TDRD9: variants seen among roughly 807,000 people sequenced by gnomAD.
The protein encoded by TDRD9 is tudor domain containing 9.
In TDRD9, 124 loss-of-function variants were observed where a neutral mutation model predicts 172.6. The observed-to-expected ratio is 0.72, with a 90% CI of 0.62 to 0.83. TDRD9 has a LOEUF of 0.83. TDRD9 is among the 40% of genes least tolerant of loss of function. The probability of loss-of-function intolerance (pLI) is 0.00; values close to 1 mark genes in which losing one functional copy is unlikely to be tolerated. For synonymous variants in TDRD9, 619 were observed against 617.1 expected, an observed-to-expected ratio of 1.00 and a Z score of -0.05; for missense variants, 1,479 against 1,714.1, an observed-to-expected ratio of 0.86 and a Z score of 2.42.
intron 33 of TDRD9, 27 bp from the exon 34 acceptor site, chr14:104,042,042 A>T: frequency 7.3e-7 from 1 of 1,368,374 alleles, no homozygotes; most frequent in Non-Finnish European, 1.0e-6. Context: ...GAGCCTTATG[A>T]GTGTTTATGT....
At chr14:103,959,242 C>T (rs2032385868) in intron 2 of TDRD9, among the ~76,000 whole-genome samples, 1 of 151,966 alleles carries the variant, frequency 6.6e-6, no homozygotes. Context: ...AGGGAGGAGG[C>T]CACAGGAGGC....
chr14:103,960,388 G>T lies in TDRD9; in HGVS notation c.323-2691G>T, dbSNP rs539426697. Among the ~76,000 whole-genome samples, 19 of 152,288 alleles carry T rather than the reference G, an allele frequency of 1.2e-4. No homozygotes were observed. In the South Asian group the frequency reaches 3.3e-3, roughly 27 times the overall value. ...GAACTAGCAATTTTTATGGCTTCCA[G>T]TTTTCCCCAGTTCATGTAAAACATT... On this transcript the variant is annotated intron_variant, in intron 2 of 35. Transcript: ENST00000409874.
At chr14:103,933,041 T>G (rs1185684859) in intron 1 of TDRD9, among the ~76,000 whole-genome samples, 1 of 152,174 alleles carries the variant, frequency 6.6e-6, no homozygotes, top group Non-Finnish European at 1.5e-5. Flanking sequence ...ACGATGAAGG[T>G]GTTGCCGGAG....
In TDRD9 at chr14:104,025,633, A is replaced by G; in HGVS notation, c.2788A>G (p.Thr930Ala). 6.2e-7 allele frequency: 1 copy of G among 1,614,064 alleles called. No homozygotes were observed. Among genetic ancestry groups the G allele is most frequent in the Middle Eastern group, 1.6e-4 (1 of 6,062 alleles). ...CAACTCAGAGATTCTGAAAAAGCTT[A>G]CTGCTGAAATCAACCAACTGACGCT... ...ENNSEILKKL[T>A]AEINQLTLVP... Residue 930 changes from threonine (T) to alanine (A), a missense_variant, in exon 26 of 36, where the codon ACT becomes GCT. By Grantham distance (58) the Thr-to-Ala change is moderately conservative (BLOSUM62 0). Transcript: ENST00000409874.
chr14:103,949,536 C>A lies in TDRD9; in HGVS notation c.216-6128C>A, dbSNP rs541313697. Among the ~76,000 whole-genome samples, 13 of 152,288 alleles carry A rather than the reference C, an allele frequency of 8.5e-5. No homozygotes were observed. In the South Asian group the frequency reaches 1.7e-3, roughly 19 times the overall value. ...GATTATAAACAATTTCATGTATGTT[C>A]TTACTGCTTCTGGTTATGCCACCCA... On this transcript the variant is annotated intron_variant, in intron 1 of 35. Coordinates refer to ENST00000409874, the MANE Select transcript of TDRD9 (RefSeq NM_153046.3).
intron 30 of TDRD9, 113 bp downstream of exon 30, chr14:104,032,200 C>G (rs919190144): frequency 1.1e-5 from 7 of 623,496 alleles, no homozygotes; most frequent in South Asian, 1.0e-4. Flanking sequence ...GTTATCTTTT[C>G]TTTTCTTTTC....
chr14:104,048,906 C>T (rs538764285), intron 34 of TDRD9, among the ~76,000 whole-genome samples: 1 of 152,244 alleles, frequency 6.6e-6, no homozygotes, highest in African/African-American at 2.4e-5. Flanking sequence ...GCCTTTATGG[C>T]CCTGGGAGTG....
At chr14:104,009,611 G>T (rs1306581928) in intron 20 of TDRD9, among the ~76,000 whole-genome samples, 4 of 152,020 alleles carry the variant, frequency 2.6e-5, no homozygotes, top group African/African-American at 9.7e-5. Flanking sequence ...AAAATTAATT[G>T]TAGCTTAATA....
At chr14:103,969,262 T>C (rs2032915259) in intron 5 of TDRD9, among the ~76,000 whole-genome samples, 1 of 150,752 alleles carries the variant, frequency 6.6e-6, no homozygotes, top group Admixed American at 6.6e-5. Context: ...TCTGCTGATG[T>C]GTGTATGTTT....
chr14:103,939,928 C>T (rs965108299), intron 1 of TDRD9: 2 of 149,262 alleles, frequency 1.3e-5, no homozygotes, highest in Admixed American at 6.7e-5. Flanking sequence ...AATTTTGATA[C>T]GTATATTTTT....
chr14:104,013,067 C>G (rs2034665308), intron 20 of TDRD9, among the ~76,000 whole-genome samples: 1 of 152,184 alleles, frequency 6.6e-6, no homozygotes, highest in South Asian at 2.1e-4. Context: ...TGTGCTCTCC[C>G]TTGCTTCCCA....
Position 103,938,382 on chromosome 14 carries a change from A to ATGTGTG in TDRD9, c.215+9686_215+9691dup, listed in dbSNP as rs71126086. On this transcript the variant is annotated intron_variant, in intron 1 of 35. Coordinates refer to ENST00000409874, the MANE Select transcript of TDRD9 (RefSeq NM_153046.3). The stretch of plus-strand genomic sequence containing the variant: ...TCCCCTTCCCACCTGTGCCCCATAT[A>ATGTGTG]TGTGTGTGTGTGTGTGTGTGTGTGT... 7.8e-5 allele frequency among the ~76,000 whole-genome samples: 3 copies of ATGTGTG among 38,592 alleles called. 1 individual carries two copies. Among genetic ancestry groups the ATGTGTG allele is most frequent in the African/African-American group, 2.5e-4 (3 of 11,802 alleles). 25.3% of individuals were successfully genotyped at this position (38,592 alleles called of 152,430 possible). A position where few individuals can be genotyped will look rare whatever the true frequency, so the allele number is the denominator to read the frequency against.
At chr14:103,990,775 G>T (rs1235700116) in intron 8 of TDRD9, among the ~76,000 whole-genome samples, 2 of 152,228 alleles carry the variant, frequency 1.3e-5, no homozygotes, top group Non-Finnish European at 2.9e-5. Flanking sequence ...GCAAGTAGAT[G>T]ATTTGAGATT....
In TDRD9 at chr14:104,040,281, C is replaced by T; in HGVS notation, c.3802C>T (p.His1268Tyr). 2 of 1,551,596 alleles carry T rather than the reference C, an allele frequency of 1.3e-6. No individual in the cohort carries two copies. Among genetic ancestry groups the T allele is most frequent in the African/African-American group, 1.4e-5 (1 of 73,150 alleles). ...TACAGGGGCTTCCATACTGCCCGAG[C>T]ACGACATGGAGCTTGCGTTTGACGT... ...PATGASILPEHDMELAFDVQF... is the reference protein window; with the variant it reads ...PATGASILPEYDMELAFDVQF... Residue 1268 changes from histidine (H) to tyrosine (Y), a missense_variant, in exon 33 of 36, where the codon CAC becomes TAC. Around this residue, in one of 3 missense-constraint regions of TDRD9, gnomAD observed 1,413 missense variants for 1,649.1 expected, o/e 0.86. Transcript: ENST00000409874.
chr14:104,042,180 C>A lies in TDRD9; in HGVS notation c.3967C>A (p.Leu1323Ile), dbSNP rs368349185. 44 of 1,609,740 alleles carry A rather than the reference C, an allele frequency of 2.7e-5. No homozygotes were observed. In the African/African-American group the frequency reaches 5.1e-4, roughly 19 times the overall value. ...AQLQDIARQK[L>I]LGLFCQSKPR... ...GCTTCAAGACATTGCCCGTCAGAAGCTTTTAGGGTAAGCTGTGTGATGACG... is the reference window on the plus strand; with the variant it reads ...GCTTCAAGACATTGCCCGTCAGAAGATTTTAGGGTAAGCTGTGTGATGACG... The change falls in exon 34 of 36, where the codon CTT becomes ATT. Residue 1323 changes from leucine to isoleucine, a missense_variant. Physicochemically the swap from Leu to Ile is conservative, Grantham distance 5 (BLOSUM62 2). This residue lies in a region of TDRD9 where 1,413 missense variants were observed against 1,649.1 expected (regional missense o/e 0.86). Coordinates refer to ENST00000409874, the MANE Select transcript of TDRD9 (RefSeq NM_153046.3).
At chr14:103,967,681 G>A (rs2032811934) in intron 5 of TDRD9, among the ~76,000 whole-genome samples, 1 of 152,182 alleles carries the variant, frequency 6.6e-6, no homozygotes, top group Non-Finnish European at 1.5e-5. Flanking sequence ...ACAGGCACTT[G>A]GTTTTAAATT....
In TDRD9 at chr14:104,017,167, C is replaced by T. The variant is rs565207984; in HGVS notation, c.2332-925C>T. ...TCGTGGTTTTCTTCCCTCAGCTGTG[C>T]GCAAGAGGAAGGGTTCTATAGGTCT... is the stretch of plus-strand genomic sequence containing the variant. On this transcript the variant is annotated intron_variant, in intron 22 of 35. Transcript: ENST00000409874. Among the ~76,000 whole-genome samples the T allele has an allele frequency of 5.9e-5, 9 of 152,078 alleles. 1 individual carries two copies. The highest frequency in any genetic ancestry group is 2.1e-4 in the South Asian group (1 of 4,790).
At chr14:104,045,195 A>G (rs547524508) in intron 34 of TDRD9, among the ~76,000 whole-genome samples, 17 of 152,046 alleles carry the variant, frequency 1.1e-4, no homozygotes, top group African/African-American at 3.9e-4. Context: ...TAGCTGTACA[A>G]TGTTACATTT....
rs769177981 is a variant in TDRD9 at position 104,006,774 on chromosome 14, G to A, written c.1944-8G>A. 3.7e-6 allele frequency: 6 copies of A among 1,613,558 alleles called. No homozygotes were observed. In the East Asian group the frequency reaches 1.1e-4, roughly 30 times the overall value. On this transcript the variant is annotated splice_region_variant and splice_polypyrimidine_tract_variant and intron_variant, in intron 17 of 35. Transcript: ENST00000409874. ...ATGGTATTGAATGACACTGTTATCTGTTTATAGGAACAAAGTGAATTTCTC... is the reference window on the plus strand; with the variant it reads ...ATGGTATTGAATGACACTGTTATCTATTTATAGGAACAAAGTGAATTTCTC...
Sources: gnomAD v4.1 joint callset for allele counts (sites outside exome capture counted in the v4.1 genomes callset) on GRCh38, gnomAD v4.1.1 for gene constraint, gnomAD v4.1.1 regional missense constraint, MANE v1.5 for transcripts, NCBI Gene and HGNC (gene_info 2026-07-23, HGNC 2026-07-21) for gene names.